GPBP1L1: variants seen among roughly 807,000 people sequenced by gnomAD.
GPBP1L1 encodes the protein vasculin-like protein 1.
Under a neutral mutation model 52.5 loss-of-function variants are expected in GPBP1L1, and 23 were observed. The ratio of observed to expected loss-of-function variants is 0.44; its 90% confidence interval spans 0.32 to 0.62. The LOEUF is 0.62. Among genes scored for constraint, GPBP1L1 ranks in the 20% least tolerant of loss-of-function variants. GPBP1L1 has a pLI of 0.06. For synonymous variants in GPBP1L1, 243 were observed against 203.1 expected (o/e 1.20, Z -1.67); for missense variants, 596 against 579.3 (o/e 1.03, Z -0.30).
intron 2 of GPBP1L1, among the ~76,000 whole-genome samples, chr1:45,676,200 T>G (rs535829425): frequency 6.6e-6 from 1 of 152,202 alleles, no homozygotes; most frequent in Non-Finnish European, 1.5e-5. Context: ...AATTCCTATT[T>G]AAGATTTTCT....
At chr1:45,665,743 TAAAAA>T (rs949281797) in intron 2 of GPBP1L1, among the ~76,000 whole-genome samples, 10 of 109,676 alleles carry the variant, frequency 9.1e-5, no homozygotes, top group South Asian at 8.7e-4. Context: ...GACGCCGTCT[TAAAAA>T]AAAAAAAAAA....
rs558777895 is a variant in GPBP1L1, at chr1:45,634,431, G to A, written c.745-195C>T. The stretch of plus-strand genomic sequence containing the variant: ...CAAGGAAAATGGTAGATGGGATACA[G>A]AAGAGCCATTGGACATTAATAGTGA... On this transcript the variant is annotated intron_variant, in intron 8 of 12. Transcript: ENST00000355105. 2.8e-4 allele frequency: 137 copies of A among 482,864 alleles called. 1 individual carries two copies. The highest frequency in any genetic ancestry group is 2.3e-3 in the African/African-American group (123 of 52,530). 29.9% of individuals were successfully genotyped at this position (482,864 alleles called of 1,614,324 possible).
chr1:45,656,951 G>A (rs1483431700), intron 4 of GPBP1L1, among the ~76,000 whole-genome samples: 1 of 152,064 alleles, frequency 6.6e-6, no homozygotes, highest in Non-Finnish European at 1.5e-5. Flanking sequence ...CTCTCAAAGT[G>A]CTGGGATTAC....
At chr1:45,635,442 T>G (rs1232265866) in intron 8 of GPBP1L1, 1 of 152,236 alleles carries the variant, frequency 6.6e-6, no homozygotes, top group Non-Finnish European at 1.5e-5. Flanking sequence ...ATGTCCTGTC[T>G]TTAAAACAAT....
chr1:45,665,089 G>A (rs1644993754), intron 2 of GPBP1L1, among the ~76,000 whole-genome samples: 1 of 151,986 alleles, frequency 6.6e-6, no homozygotes, highest in Non-Finnish European at 1.5e-5. Flanking sequence ...AGGAGTTCGA[G>A]ACCAGCCTGG....
At chr1:45,653,644 G>C (rs181764345) in intron 6 of GPBP1L1, among the ~76,000 whole-genome samples, 1 of 152,040 alleles carries the variant, frequency 6.6e-6, no homozygotes. Context: ...ACAGGCATGA[G>C]CCACTATGCC....
At chr1:45,645,962 GT>G (rs1644740127) in intron 6 of GPBP1L1, 1 of 495,272 alleles carries the variant, frequency 2.0e-6, no homozygotes, top group Admixed American at 2.2e-5. Flanking sequence ...AGATCTTTGA[GT>G]TGCAAATCAA....
intron 2 of GPBP1L1, among the ~76,000 whole-genome samples, chr1:45,667,556 A>G (rs900609684): frequency 6.6e-6 from 1 of 152,152 alleles, no homozygotes; most frequent in African/African-American, 2.4e-5. Flanking sequence ...CCTAGATACA[A>G]CACTACCAGT....
intron 11 of GPBP1L1, 57 bp from the exon 12 acceptor site, chr1:45,629,735 C>G: frequency 9.0e-7 from 1 of 1,112,506 alleles, no homozygotes; most frequent in Admixed American, 1.8e-5. Flanking sequence ...CCTAAGTGAA[C>G]AGCCCACCAC....
chr1:45,638,856 C>T (rs892007369), intron 8 of GPBP1L1, among the ~76,000 whole-genome samples: 5 of 151,874 alleles, frequency 3.3e-5, no homozygotes, highest in East Asian at 1.9e-4. Context: ...AATTTCTTCC[C>T]GGGTAAGAGA....
intron 2 of GPBP1L1, among the ~76,000 whole-genome samples, chr1:45,673,340 G>A (rs569414929): frequency 7.2e-5 from 11 of 152,288 alleles, no homozygotes; most frequent in South Asian, 6.2e-4. Context: ...GAATTAAAGC[G>A]TGAAACTGAA....
At chr1:45,676,525 A>G (rs1645140940) in intron 2 of GPBP1L1, among the ~76,000 whole-genome samples, 1 of 151,958 alleles carries the variant, frequency 6.6e-6, no homozygotes, top group Non-Finnish European at 1.5e-5. Context: ...CCTGGCTAAC[A>G]TGGTGAAACC....
At chr1:45,630,708 A>G (rs1315752839) in intron 10 of GPBP1L1, 102 bp from the exon 11 acceptor site, 1 of 1,321,128 alleles carries the variant, frequency 7.6e-7, no homozygotes, top group African/African-American at 1.5e-5. Flanking sequence ...AGTGTTTTCC[A>G]AAAGACAGCC....
chr1:45,636,210 C>CTT (rs1644592015), intron 8 of GPBP1L1, among the ~76,000 whole-genome samples: 1 of 152,102 alleles, frequency 6.6e-6, no homozygotes, highest in Non-Finnish European at 1.5e-5. Flanking sequence ...GAACCTGTCC[C>CTT]TTTTTCCCTT....
chr1:45,678,308 G>A (rs993659966), intron 2 of GPBP1L1, among the ~76,000 whole-genome samples: 1 of 152,170 alleles, frequency 6.6e-6, no homozygotes, highest in Admixed American at 6.6e-5. Flanking sequence ...ACAGCTCAAT[G>A]AAGCTATTCT....
At chr1:45,650,544 G>A (rs1183730767) in intron 6 of GPBP1L1, among the ~76,000 whole-genome samples, 1 of 152,118 alleles carries the variant, frequency 6.6e-6, no homozygotes, top group Non-Finnish European at 1.5e-5. Context: ...ATATAGGACT[G>A]TTAATTACAC....
intron 10 of GPBP1L1, among the ~76,000 whole-genome samples, chr1:45,631,801 T>G (rs1320970944): frequency 6.6e-6 from 1 of 152,118 alleles, no homozygotes; most frequent in Non-Finnish European, 1.5e-5. Flanking sequence ...AAGCCTATAG[T>G]CCCAGCTACT....
At chr1:45,628,776 G>A (rs1644491295) in intron 12 of GPBP1L1, among the ~76,000 whole-genome samples, 2 of 152,164 alleles carry the variant, frequency 1.3e-5, no homozygotes, top group African/African-American at 2.4e-5. Context: ...CGATTCTCCT[G>A]CCTCAGCCTC....
intron 10 of GPBP1L1, among the ~76,000 whole-genome samples, chr1:45,632,141 C>T (rs1644538753): frequency 6.6e-6 from 1 of 152,212 alleles, no homozygotes; most frequent in Admixed American, 6.5e-5. Flanking sequence ...AGGCTGTGTT[C>T]CAGAGTTATG....
Sources: allele counts gnomAD v4.1 joint callset (sites outside exome capture counted in the v4.1 genomes callset), GRCh38; gene constraint gnomAD v4.1.1; transcripts MANE v1.5; gene names NCBI Gene and HGNC (gene_info 2026-07-23, HGNC 2026-07-21).